Variants in LYZL6 observed in about 807,000 individuals in gnomAD.
LYZL6 encodes the protein lysozyme like 6.
A neutral mutation model predicts 15.0 loss-of-function variants in LYZL6; 21 were observed. That is an observed-to-expected ratio of 1.40 (90% confidence interval 1.00 to 2.02). The LOEUF is 2.02. Among genes scored for constraint, LYZL6 ranks in the 30% most tolerant of loss-of-function variants. LYZL6 has a pLI of 0.00. For synonymous variants in LYZL6, 72 were observed against 67.8 expected (o/e 1.06, Z -0.31); for missense variants, 173 against 180.5 (o/e 0.96, Z 0.24).
At chr17:35,935,406 TTTG>T (rs2089362704) in intron 4 of LYZL6, among the ~76,000 whole-genome samples, 2 of 152,196 alleles carry the variant, frequency 1.3e-5, no homozygotes, top group South Asian at 4.1e-4. Flanking sequence ...GCCACATTTT[TTTG>T]TTGTCGTTTT....
At position 35,939,345 on chromosome 17, in the gene LYZL6, C is replaced by A; in HGVS notation, c.12G>T (p.Ala4=). The A allele has an allele frequency of 6.2e-7, 1 of 1,614,054 alleles. No homozygotes were observed. The highest frequency in any genetic ancestry group is 8.5e-7 in the Non-Finnish European group (1 of 1,179,960). ...AGCTGCTGACCAAATAGATGAGTAG[C>A]GCCTTTGTCATCCTTGGAGGGGAGG... MTK[A]LLIYLVSSFL... is the part of the protein sequence containing the mutation. The change falls in exon 2 of 5, where the codon GCG becomes GCT. Residue 4 remains alanine (A), a synonymous_variant. Coordinates refer to ENST00000615905, the MANE Select transcript of LYZL6 (RefSeq NM_020426.4).
chr17:35,941,847 G>T (rs1229288196), intron 1 of LYZL6, among the ~76,000 whole-genome samples: 2 of 152,178 alleles, frequency 1.3e-5, no homozygotes, highest in Non-Finnish European at 2.9e-5. Context: ...TGGGAAGAAT[G>T]CTGAAGAACT....
intron 4 of LYZL6, among the ~76,000 whole-genome samples, chr17:35,935,578 G>T (rs1207710150): frequency 1.3e-5 from 2 of 151,862 alleles, no homozygotes; most frequent in African/African-American, 4.8e-5. Flanking sequence ...AGAAAGCAAG[G>T]GAAAGGTCCC....
At chr17:35,934,919 A>C in intron 4 of LYZL6, 54 bp from the exon 5 acceptor site, 1 of 1,558,472 alleles carries the variant, frequency 6.4e-7, no homozygotes, top group Non-Finnish European at 8.8e-7. Flanking sequence ...TCTTCCACAC[A>C]CATGACCCAG....
intron 4 of LYZL6, among the ~76,000 whole-genome samples, chr17:35,936,257 T>C (rs990195873): frequency 4.6e-5 from 7 of 152,230 alleles, no homozygotes; most frequent in African/African-American, 1.7e-4. Flanking sequence ...AATCAGATTC[T>C]CTATCCCAGG....
intron 4 of LYZL6, 85 bp downstream of exon 4, chr17:35,936,670 C>A (rs936265753): frequency 1.3e-5 from 15 of 1,154,392 alleles, no homozygotes; most frequent in Non-Finnish European, 1.9e-5. Context: ...AGGGCGTGCC[C>A]GTGAGTCCTT....
Position 35,939,386 on chromosome 17 carries a change from C to A in LYZL6, c.-30G>T. On this transcript the variant is annotated 5_prime_UTR_variant, in exon 2 of 5. Coordinates refer to ENST00000615905, the MANE Select transcript of LYZL6 (RefSeq NM_020426.4). ...GGAGGGGAGGAGGTGCAGCTGAGGG[C>A]TGATGGTTCTTAGGGTCTTGCAGAC... 1 of 1,610,560 alleles carries A rather than the reference C, an allele frequency of 6.2e-7. No homozygotes were observed. Among genetic ancestry groups the A allele is most frequent in the South Asian group, 1.1e-5 (1 of 90,696 alleles).
Position 35,937,158 on chromosome 17 carries a change from C to T in LYZL6, c.299-325G>A, listed in dbSNP as rs368805277. Among the ~76,000 whole-genome samples, 13 of 152,270 alleles carry T rather than the reference C, an allele frequency of 8.5e-5. No homozygotes were observed. The South Asian group carries it at 2.7e-3, about 32-fold the overall frequency. On this transcript the variant is annotated intron_variant, in intron 3 of 4. Transcript: ENST00000615905. ...TGCCAAAACACCACAGAGGTATGTC[C>T]CGCCTAGTGAGCGGGGGTCTTCAGG...
Position 35,939,378 on chromosome 17 carries a change from G to A in LYZL6, c.-22C>T. 6.2e-7 allele frequency: 1 copy of A among 1,612,700 alleles called. No homozygotes were observed. Among genetic ancestry groups the A allele is most frequent in the Non-Finnish European group, 8.5e-7 (1 of 1,179,006 alleles). The stretch of plus-strand genomic sequence containing the variant: ...TCATCCTTGGAGGGGAGGAGGTGCA[G>A]CTGAGGGCTGATGGTTCTTAGGGTC... On this transcript the variant is annotated 5_prime_UTR_variant, in exon 2 of 5. Transcript: ENST00000615905.
At chr17:35,934,922 T>A (rs2089357670) in intron 4 of LYZL6, 57 bp from the exon 5 acceptor site, 2 of 1,551,184 alleles carry the variant, frequency 1.3e-6, no homozygotes. Context: ...TCCACACACA[T>A]GACCCAGTTC....
In LYZL6 at chr17:35,941,644, C is replaced by A. The variant is rs187661668; in HGVS notation, c.-203+1923G>T. On this transcript the variant is annotated intron_variant, in intron 1 of 4. Transcript: ENST00000615905. ...ATTATACATTAAATGCAATAGGAAT[C>A]CATGAGCCCATAATAATAATAAATT... Among the ~76,000 whole-genome samples the A allele has an allele frequency of 2.5e-3, 382 of 152,118 alleles. 2 individuals carry two copies. The highest frequency in any genetic ancestry group is 3.9e-3 in the Non-Finnish European group (265 of 68,008).
In LYZL6 at chr17:35,935,963, G is replaced by A. The variant is rs2089368887; in HGVS notation, c.377+792C>T. Among the ~76,000 whole-genome samples, 2 of 151,456 alleles carry A rather than the reference G, an allele frequency of 1.3e-5. 1 individual carries two copies. Among genetic ancestry groups the A allele is most frequent in the South Asian group, 4.2e-4 (2 of 4,786 alleles). On this transcript the variant is annotated intron_variant, in intron 4 of 4. Coordinates refer to ENST00000615905, the MANE Select transcript of LYZL6 (RefSeq NM_020426.4). ...TGAGTAGCTGGGACTACAGGCAGGCGCCACCATGACCAGCTAATTTTTTGT... is the reference window on the plus strand; with the variant it reads ...TGAGTAGCTGGGACTACAGGCAGGCACCACCATGACCAGCTAATTTTTTGT...
chr17:35,934,665 TG>T lies in LYZL6; in HGVS notation c.*130del. On this transcript the variant is annotated 3_prime_UTR_variant, in exon 5 of 5. Coordinates refer to ENST00000615905, the MANE Select transcript of LYZL6 (RefSeq NM_020426.4). ...AGAAAACCATTTATTCCTGGGGCTC[TG>T]GTCAGTTTTAGTTGTAAATGGGAAG... 1.2e-6 allele frequency: 1 copy of T among 807,886 alleles called. No individual in the cohort carries two copies. Among genetic ancestry groups the T allele is most frequent in the Non-Finnish European group, 2.0e-6 (1 of 506,914 alleles). The allele number at this position is 807,886 out of a possible 1,614,324, so 50.0% of individuals were successfully genotyped here. A position where few individuals can be genotyped will look rare whatever the true frequency, so the allele number is the denominator to read the frequency against.
chr17:35,938,362 G>T (rs180753627), intron 2 of LYZL6, among the ~76,000 whole-genome samples: 18 of 152,268 alleles, frequency 1.2e-4, no homozygotes, highest in African/African-American at 3.8e-4. Flanking sequence ...GCTTATGCCT[G>T]TAATCCCAGC....
rs568958094 is a variant in LYZL6 at position 35,936,593 on chromosome 17, A to T, written c.377+162T>A. 536 of 612,258 alleles carry T rather than the reference A, an allele frequency of 8.8e-4. 3 individuals carry two copies. The African/African-American group carries it at 9.1e-3, about 10-fold the overall frequency. The allele number at this position is 612,258 out of a possible 1,614,324, so 37.9% of individuals were successfully genotyped here. On this transcript the variant is annotated intron_variant, in intron 4 of 4. Coordinates refer to ENST00000615905, the MANE Select transcript of LYZL6 (RefSeq NM_020426.4). ...CCAGAAGAGTTTTGTTTAATACAAT[A>T]TCATAGAAGAACCAGATCTCAGAGT...
chr17:35,938,940 A>G (rs1028133946), intron 2 of LYZL6, among the ~76,000 whole-genome samples: 1 of 152,154 alleles, frequency 6.6e-6, no homozygotes, highest in East Asian at 1.9e-4. Context: ...GCAGTACGTT[A>G]TGAGTGTGTT....
chr17:35,939,613 C>T (rs891649672), intron 1 of LYZL6, 55 bp from the exon 2 acceptor site: 12 of 305,770 alleles, frequency 3.9e-5, no homozygotes, highest in African/African-American at 1.9e-4. Context: ...CACTTCTGAG[C>T]TTCAACATTC....
chr17:35,943,222 C>T (rs1340914555), intron 1 of LYZL6, among the ~76,000 whole-genome samples: 5 of 152,262 alleles, frequency 3.3e-5, no homozygotes, highest in South Asian at 4.1e-4. Context: ...CGTGAGACCA[C>T]GAACCTTGGT....
intron 1 of LYZL6, among the ~76,000 whole-genome samples, chr17:35,943,292 C>T (rs987224692): frequency 2.6e-5 from 4 of 152,218 alleles, no homozygotes; most frequent in African/African-American, 9.7e-5. Flanking sequence ...TCGTTCCACA[C>T]CAGCCTGAGC....
Sources: allele counts gnomAD v4.1 joint callset (sites outside exome capture counted in the v4.1 genomes callset), GRCh38; gene constraint gnomAD v4.1.1; transcripts MANE v1.5; gene names NCBI Gene and HGNC (gene_info 2026-07-23, HGNC 2026-07-21).